AP1M2: variants seen among roughly 807,000 people sequenced by gnomAD.
AP1M2 encodes adaptor related protein complex 1 subunit mu 2.
In AP1M2, 41 loss-of-function variants were observed where a neutral mutation model predicts 54.6. That is an observed-to-expected ratio of 0.75 (90% CI 0.59 to 0.97). The LOEUF (loss-of-function observed/expected upper bound fraction) is 0.97. Among genes scored for constraint, AP1M2 ranks in the 50% least tolerant of loss-of-function variants. AP1M2 has a pLI of 0.00. For missense variants in AP1M2, 507 were observed against 561.2 expected, an observed-to-expected ratio of 0.90 and a Z score of 0.98; for synonymous variants, 219 against 215.9, an observed-to-expected ratio of 1.01 and a Z score of -0.13.
Position 10,573,022 on chromosome 19 carries a change from GCTGTAAGGAAGCCCCGTGTTCAAGC to G in AP1M2, c.*19_*43del, listed in dbSNP as rs1483069694. The G allele has an allele frequency of 6.5e-7, 1 of 1,549,372 alleles. No homozygotes were observed. The highest frequency in any genetic ancestry group is 8.7e-7 in the Non-Finnish European group (1 of 1,143,744). ...CCTCCCTCTAAAATCTGCATCCGGG[GCTGTAAGGAAGCCCCGTGTTCAAGC>G]CCCCATCTCTTCTCCCTTCTAGCTG... On this transcript the variant is annotated 3_prime_UTR_variant, in exon 12 of 12. Coordinates refer to ENST00000250244, the MANE Select transcript of AP1M2 (RefSeq NM_005498.5).
In AP1M2 at chr19:10,577,423, C is replaced by CTTTTTTTTTTTTTT. The variant is rs386388547; in HGVS notation, c.889-81_889-68dup. ...TCATCCTTCAAATATTTACCAAGCC[C>CTTTTTTTTTTTTTT]TTTTTTTTTTTTTTTTTTTTTTTTT... On this transcript the variant is annotated intron_variant, in intron 8 of 11. Transcript: ENST00000250244. 2.2e-5 allele frequency: 7 copies of CTTTTTTTTTTTTTT among 316,702 alleles called. No individual in the cohort carries two copies. In the African/African-American group the frequency reaches 3.2e-4, roughly 14 times the overall value. The allele number at this position is 316,702 out of a possible 1,614,324, so 19.6% of individuals were successfully genotyped here. A position where few individuals can be genotyped will look rare whatever the true frequency, so the allele number is the denominator to read the frequency against.
At chr19:10,582,891 TCTTGGCTCAC>T (rs146067692) in intron 3 of AP1M2, among the ~76,000 whole-genome samples, 2,010 of 150,760 alleles carry the variant, frequency 0.013, 35 homozygotes, top group African/African-American at 0.046. Flanking sequence ...AGTGGCGAGA[TCTTGGCTCAC>T]CACAACCTCT....
chr19:10,583,602 C>T lies in AP1M2; in HGVS notation c.267+4G>A. Reference sequence around the variant, plus strand: ...CAGTTAGCCAATGGGAGGCTAGTACCTACCTCTATTGTCTTATACAGGAAG... The same window carrying T: ...CAGTTAGCCAATGGGAGGCTAGTACTTACCTCTATTGTCTTATACAGGAAG... On this transcript the variant is annotated splice_donor_region_variant and intron_variant, in intron 3 of 11. Coordinates refer to ENST00000250244, the MANE Select transcript of AP1M2 (RefSeq NM_005498.5). 1 of 1,604,630 alleles carries T rather than the reference C, an allele frequency of 6.2e-7. No individual in the cohort carries two copies. Among genetic ancestry groups the T allele is most frequent in the Non-Finnish European group, 8.5e-7 (1 of 1,172,556 alleles).
At position 10,581,182 on chromosome 19, in the gene AP1M2, C is replaced by G. The variant is rs1917433610; in HGVS notation, c.673+84G>C. The G allele has an allele frequency of 2.6e-6, 4 of 1,510,726 alleles. No individual in the cohort carries two copies. The East Asian group carries it at 9.1e-5, about 35-fold the overall frequency. The allele number at this position is 1,510,726 out of a possible 1,614,324, so 93.6% of individuals were successfully genotyped here. On this transcript the variant is annotated intron_variant, in intron 6 of 11. Transcript: ENST00000250244. The stretch of plus-strand genomic sequence containing the variant: ...GAGCGAGCGCTTATTTCAAAACGGG[C>G]TGCGATTCTCTTAAGTCCCCACGTG...
intron 10 of AP1M2, 102 bp from the exon 11 acceptor site, chr19:10,574,594 T>C (rs866539303): frequency 3.9e-6 from 4 of 1,020,796 alleles, no homozygotes; most frequent in Middle Eastern, 2.8e-4. Context: ...TGGCACAGGC[T>C]GGGATCGATG....
At chr19:10,586,053 G>T (rs867692878) in intron 1 of AP1M2, among the ~76,000 whole-genome samples, 15 of 152,130 alleles carry the variant, frequency 9.9e-5, no homozygotes, top group African/African-American at 3.6e-4. Context: ...GGAGGCCGAG[G>T]TGGGCGGATC....
At chr19:10,579,056 GCTT>G (rs1917345183) in intron 7 of AP1M2, 93 bp from the exon 8 acceptor site, 1 of 963,630 alleles carries the variant, frequency 1.0e-6, no homozygotes, top group Admixed American at 2.7e-5. Flanking sequence ...ACAGAGTCTC[GCTT>G]CTTCGCCCAG....
chr19:10,578,827 C>A, intron 8 of AP1M2, 65 bp downstream of exon 8: 1 of 1,305,058 alleles, frequency 7.7e-7, no homozygotes. Context: ...GCTGGGATTA[C>A]AGGTGTGAGC....
chr19:10,583,318 GGGCTTTGAT>G (rs1417779461), intron 3 of AP1M2, among the ~76,000 whole-genome samples: 4 of 151,972 alleles, frequency 2.6e-5, no homozygotes, highest in Admixed American at 2.6e-4. Context: ...CAGAGTGATG[GGGCTTTGAT>G]GGCGGATGCA....
chr19:10,586,604 C>A (rs1256222126), intron 1 of AP1M2, among the ~76,000 whole-genome samples: 2 of 152,036 alleles, frequency 1.3e-5, no homozygotes, highest in Non-Finnish European at 2.9e-5. Context: ...TGGTGGCCTG[C>A]ACCTGTGTAG....
intron 3 of AP1M2, 144 bp from the exon 4 acceptor site, chr19:10,582,022 A>T (rs1917480184): frequency 1.1e-6 from 1 of 871,080 alleles, no homozygotes; most frequent in African/African-American, 1.7e-5. Context: ...TGGGCAATAT[A>T]GTGAACCCCT....
At position 10,583,994 on chromosome 19, in the gene AP1M2, C is replaced by A. The variant is rs774902548; in HGVS notation, c.119G>T (p.Arg40Leu). Residue 40 changes from arginine to leucine, a missense_variant, in exon 2 of 12, where the codon CGG (arginine) becomes CTG (leucine). Arg to Leu is a moderately radical substitution (Grantham distance 102). Transcript: ENST00000250244. ...CGGGGCCAGGGCGCCTTCCTCCTCC[C>A]GCTGTACCAGCAAAGGCATGAAGTG... ...IEHFMPLLVQ[R>L]EEEGALAPLL... is the part of the protein sequence containing the mutation. The A allele has an allele frequency of 6.2e-7, 1 of 1,607,734 alleles. No homozygotes were observed. Among genetic ancestry groups the A allele is most frequent in the Non-Finnish European group, 8.5e-7 (1 of 1,177,274 alleles).
chr19:10,574,630 G>A, intron 10 of AP1M2, 138 bp from the exon 11 acceptor site: 1 of 804,714 alleles, frequency 1.2e-6, no homozygotes, highest in Non-Finnish European at 1.9e-6. Flanking sequence ...GTCTTAGGGG[G>A]ATGAGGTGGC....
chr19:10,584,507 G>A (rs1917567357), intron 1 of AP1M2, among the ~76,000 whole-genome samples: 1 of 152,116 alleles, frequency 6.6e-6, no homozygotes, highest in South Asian at 2.1e-4. Flanking sequence ...TTGAACCTGG[G>A]AGGCGGAGAT....
chr19:10,579,282 G>C (rs1023837766), intron 7 of AP1M2, among the ~76,000 whole-genome samples: 1 of 151,996 alleles, frequency 6.6e-6, no homozygotes, highest in African/African-American at 2.4e-5. Context: ...TGGACACGGT[G>C]GCATGCGCCT....
At chr19:10,584,290 G>A (rs1443021839) in intron 1 of AP1M2, among the ~76,000 whole-genome samples, 1 of 152,172 alleles carries the variant, frequency 6.6e-6, no homozygotes, top group Non-Finnish European at 1.5e-5. Context: ...TTATTAAAGG[G>A]TAGGCGATGG....
intron 11 of AP1M2, 104 bp downstream of exon 11, chr19:10,574,313 C>A: frequency 1.0e-6 from 1 of 974,840 alleles, no homozygotes; most frequent in Admixed American, 2.7e-5. Flanking sequence ...AACCATCACA[C>A]CTGACCCTTG....
chr19:10,582,207 CTAA>C, intron 3 of AP1M2, among the ~76,000 whole-genome samples: 1 of 152,110 alleles, frequency 6.6e-6, no homozygotes, highest in East Asian at 1.9e-4. Flanking sequence ...CCAGGGCCAG[CTAA>C]TATTTGTATT....
rs371468321 is a variant in AP1M2, at chr19:10,581,768, G to C, written c.378C>G (p.Thr126=). 2 of 1,613,772 alleles carry C rather than the reference G, an allele frequency of 1.2e-6. No homozygotes were observed. Among genetic ancestry groups the C allele is most frequent in the South Asian group, 1.1e-5 (1 of 91,066 alleles). Reference sequence around the variant, plus strand: ...CTCACTCCTGCAGGATCTTGCTGTCGGTGGTCTGCGGGAAGCCAAAGTCCA... The same window carrying C: ...CTCACTCCTGCAGGATCTTGCTGTCCGTGGTCTGCGGGAAGCCAAAGTCCA... ...ELMDFGFPQT[T]DSKILQEYIT... Residue 126 remains threonine, a synonymous_variant, in exon 4 of 12, where the codon ACC becomes ACG. Coordinates refer to ENST00000250244, the MANE Select transcript of AP1M2 (RefSeq NM_005498.5).
Sources: gnomAD v4.1 joint callset for allele counts (sites outside exome capture counted in the v4.1 genomes callset) on GRCh38, gnomAD v4.1.1 for gene constraint, MANE v1.5 for transcripts, NCBI Gene and HGNC (gene_info 2026-07-23, HGNC 2026-07-21) for gene names.